Variants in PRKCA observed in about 807,000 individuals in gnomAD.
PRKCA encodes protein kinase C alpha type.
Under a neutral mutation model 87.0 loss-of-function variants are expected in PRKCA, and 27 were observed. The observed-to-expected ratio is 0.31, with a 90% CI of 0.23 to 0.43. The LOEUF is 0.43. Among genes scored for constraint, PRKCA ranks in the 20% least tolerant of loss-of-function variants. The pLI is 1.00. For synonymous variants in PRKCA, 329 were observed against 311.1 expected (o/e 1.06, Z -0.61); for missense variants, 518 against 852.3 (o/e 0.61, Z 4.88).
chr17:66,774,909 CT>C, intron 14 of PRKCA: 1 of 985,438 alleles, frequency 1.0e-6, no homozygotes, highest in Non-Finnish European at 1.2e-6. Flanking sequence ...AATTAGCTTT[CT>C]CTTATGATGT....
At chr17:66,567,599 C>T (rs958576452) in intron 3 of PRKCA, among the ~76,000 whole-genome samples, 13 of 152,180 alleles carry the variant, frequency 8.5e-5, no homozygotes, top group Admixed American at 1.3e-4. Context: ...CACCATCTCT[C>T]CCCTTTCCCA....
chr17:66,447,802 C>G (rs914000232), intron 2 of PRKCA, among the ~76,000 whole-genome samples: 4 of 152,232 alleles, frequency 2.6e-5, no homozygotes, highest in Non-Finnish European at 5.9e-5. Flanking sequence ...GCTACCTCCT[C>G]ACGTCTAGGC....
At chr17:66,502,969 C>T (rs559403215) in intron 3 of PRKCA, among the ~76,000 whole-genome samples, 2 of 152,304 alleles carry the variant, frequency 1.3e-5, no homozygotes, top group East Asian at 3.9e-4. Context: ...TGCCCCCCAG[C>T]TTTCTCGTCA....
At chr17:66,741,045 T>C (rs1974149311) in intron 11 of PRKCA, among the ~76,000 whole-genome samples, 1 of 152,228 alleles carries the variant, frequency 6.6e-6, no homozygotes, top group Non-Finnish European at 1.5e-5. Context: ...CTTCAAAGAC[T>C]CCTGAATGCT....
intron 5 of PRKCA, among the ~76,000 whole-genome samples, chr17:66,668,359 A>C (rs1003508851): frequency 6.6e-6 from 1 of 152,224 alleles, no homozygotes; most frequent in South Asian, 2.1e-4. Context: ...TGTGGAGGTG[A>C]GAAGAACTTC....
chr17:66,457,808 A>G (rs146184868), intron 2 of PRKCA, among the ~76,000 whole-genome samples: 19 of 152,238 alleles, frequency 1.2e-4, no homozygotes, highest in Admixed American at 4.6e-4. Context: ...CTGTGAGTCA[A>G]TTAAACCTCT....
At chr17:66,752,718 G>A (rs1332426813) in intron 13 of PRKCA, among the ~76,000 whole-genome samples, 1 of 152,346 alleles carries the variant, frequency 6.6e-6, no homozygotes, top group African/African-American at 2.4e-5. Flanking sequence ...GAGGGCCCAA[G>A]GTATCTTCCA....
At chr17:66,730,767 C>T (rs984375909) in intron 8 of PRKCA, among the ~76,000 whole-genome samples, 5 of 152,214 alleles carry the variant, frequency 3.3e-5, no homozygotes, top group Non-Finnish European at 7.3e-5. Flanking sequence ...ACCAGTCCTG[C>T]TGAATTCCTG....
chr17:66,756,515 T>A (rs1974551630), intron 13 of PRKCA, among the ~76,000 whole-genome samples: 1 of 151,846 alleles, frequency 6.6e-6, no homozygotes, highest in Non-Finnish European at 1.5e-5. Context: ...CAGTGTGCCA[T>A]GTCCAGCCCT....
At chr17:66,625,058 A>G (rs1970812613) in intron 3 of PRKCA, among the ~76,000 whole-genome samples, 2 of 152,184 alleles carry the variant, frequency 1.3e-5, no homozygotes, top group South Asian at 4.1e-4. Flanking sequence ...TCATCTTTCT[A>G]TAGATCACAA....
chr17:66,510,822 TG>T (rs1267233095), intron 3 of PRKCA, among the ~76,000 whole-genome samples: 1 of 152,134 alleles, frequency 6.6e-6, no homozygotes, highest in Non-Finnish European at 1.5e-5. Flanking sequence ...CATGGCTCAC[TG>T]CAACATCAAC....
At chr17:66,514,931 C>T (rs762647616) in intron 3 of PRKCA, among the ~76,000 whole-genome samples, 6 of 151,942 alleles carry the variant, frequency 3.9e-5, no homozygotes, top group Non-Finnish European at 7.4e-5. Flanking sequence ...CATGTTTCTA[C>T]CTGGAACAAA....
chr17:66,498,836 A>G (rs1413140868), intron 3 of PRKCA, among the ~76,000 whole-genome samples: 1 of 152,240 alleles, frequency 6.6e-6, no homozygotes, highest in Non-Finnish European at 1.5e-5. Context: ...GACAAAGGGA[A>G]GAGCAAGTGA....
chr17:66,569,922 A>G (rs1969022374), intron 3 of PRKCA, among the ~76,000 whole-genome samples: 1 of 152,174 alleles, frequency 6.6e-6, no homozygotes, highest in Non-Finnish European at 1.5e-5. Flanking sequence ...AGAAACATGC[A>G]TGTGTACCCC....
intron 5 of PRKCA, among the ~76,000 whole-genome samples, chr17:66,646,922 G>A (rs1447269922): frequency 6.6e-6 from 1 of 152,180 alleles, no homozygotes; most frequent in Non-Finnish European, 1.5e-5. Flanking sequence ...CTGACTTTTT[G>A]TAGTTTTTAG....
intron 2 of PRKCA, among the ~76,000 whole-genome samples, chr17:66,322,154 A>G (rs1208549504): frequency 6.6e-6 from 1 of 152,182 alleles, no homozygotes; most frequent in Non-Finnish European, 1.5e-5. Context: ...GTTAATAGAA[A>G]TGGAAGGCCA....
At chr17:66,325,720 T>C (rs1420120140) in intron 2 of PRKCA, among the ~76,000 whole-genome samples, 4 of 152,148 alleles carry the variant, frequency 2.6e-5, no homozygotes, top group Non-Finnish European at 5.9e-5. Context: ...CGGGTGGTTG[T>C]GATTTATTGA....
chr17:66,470,748 C>T (rs914145020), intron 2 of PRKCA, among the ~76,000 whole-genome samples: 2 of 152,102 alleles, frequency 1.3e-5, no homozygotes, highest in African/African-American at 2.4e-5. Flanking sequence ...ATTAGGGGGA[C>T]GAGCAGAGGC....
In PRKCA at chr17:66,719,675, G is replaced by A. The variant is rs183112291; in HGVS notation, c.919-13013G>A. Among the ~76,000 whole-genome samples the A allele has an allele frequency of 1.9e-4, 29 of 152,356 alleles. No individual in the cohort carries two copies. In the East Asian group the frequency reaches 3.7e-3, roughly 19 times the overall value. ...CCAGCTACTCAGGAGGCTGAGGTGC[G>A]AGAATCGCTTGAACCCAGGAGGCAG... On this transcript the variant is annotated intron_variant, in intron 8 of 16. Transcript: ENST00000413366.
Sources: gnomAD v4.1 joint callset for allele counts (sites outside exome capture counted in the v4.1 genomes callset) on GRCh38, gnomAD v4.1.1 for gene constraint, MANE v1.5 for transcripts, NCBI Gene and HGNC (gene_info 2026-07-23, HGNC 2026-07-21) for gene names.